ANKRD12: variants seen among roughly 807,000 people sequenced by gnomAD.
ANKRD12 encodes the protein ankyrin repeat domain 12.
In ANKRD12, 85 loss-of-function variants were observed where a neutral mutation model predicts 183.4. The ratio of observed to expected loss-of-function variants is 0.46; its 90% CI spans 0.39 to 0.56. The LOEUF (loss-of-function observed/expected upper bound fraction) is 0.56. Ranked by LOEUF, ANKRD12 falls within the 20% of genes least tolerant of loss-of-function variation. The pLI, the probability that ANKRD12 is intolerant of heterozygous loss-of-function variation, is 0.00. For synonymous variants in ANKRD12, 914 were observed against 800.2 expected, an observed-to-expected ratio of 1.14 and a Z score of -2.40; for missense variants, 2,405 against 2,357.1, an observed-to-expected ratio of 1.02 and a Z score of -0.42.
At chr18:9,191,477 A>G (rs1378945706) in intron 2 of ANKRD12, among the ~76,000 whole-genome samples, 1 of 151,968 alleles carries the variant, frequency 6.6e-6, no homozygotes, top group Non-Finnish European at 1.5e-5. Flanking sequence ...AATATCACAT[A>G]GGTTTTTTTT....
At chr18:9,175,874 G>T (rs888647727) in intron 1 of ANKRD12, among the ~76,000 whole-genome samples, 8 of 151,992 alleles carry the variant, frequency 5.3e-5, no homozygotes, top group Non-Finnish European at 1.0e-4. Flanking sequence ...AGGTGATTTT[G>T]TACTCTCTGC....
At chr18:9,206,741 A>T (rs534695359) in intron 4 of ANKRD12, among the ~76,000 whole-genome samples, 1 of 152,244 alleles carries the variant, frequency 6.6e-6, no homozygotes, top group East Asian at 1.9e-4. Context: ...TTTATTTGGC[A>T]GCATGGCATT....
At chr18:9,264,504 T>C (rs912365513) in intron 10 of ANKRD12, among the ~76,000 whole-genome samples, 1 of 152,024 alleles carries the variant, frequency 6.6e-6, no homozygotes, top group African/African-American at 2.4e-5. Context: ...ATAACTTCTT[T>C]GGTTCATACA....
At chr18:9,189,590 C>G (rs369322376) in intron 2 of ANKRD12, among the ~76,000 whole-genome samples, 4 of 152,334 alleles carry the variant, frequency 2.6e-5, no homozygotes, top group African/African-American at 9.6e-5. Flanking sequence ...GGGACAAATG[C>G]AGCTGACAAC....
chr18:9,151,057 G>T (rs1284070939), intron 1 of ANKRD12, among the ~76,000 whole-genome samples: 2 of 152,162 alleles, frequency 1.3e-5, no homozygotes, highest in Admixed American at 1.3e-4. Context: ...AAACATTGTG[G>T]TGAAAATTAA....
At chr18:9,252,126 T>C (rs1358198384) in intron 8 of ANKRD12, among the ~76,000 whole-genome samples, 1 of 152,238 alleles carries the variant, frequency 6.6e-6, no homozygotes, top group Non-Finnish European at 1.5e-5. Context: ...TTTCTCACCA[T>C]AGCAGTCATC....
chr18:9,160,878 G>A (rs1489057274), intron 1 of ANKRD12, among the ~76,000 whole-genome samples: 1 of 152,192 alleles, frequency 6.6e-6, no homozygotes, highest in East Asian at 1.9e-4. Context: ...TGAAATGAAA[G>A]AAATCATTTT....
At chr18:9,192,392 GCCC>G (rs2034506526) in intron 2 of ANKRD12, among the ~76,000 whole-genome samples, 1 of 152,120 alleles carries the variant, frequency 6.6e-6, no homozygotes, top group Admixed American at 6.5e-5. Context: ...CTCTAGATGA[GCCC>G]TGCTTGATTA....
chr18:9,239,652 A>C (rs2037545323), intron 8 of ANKRD12: 1 of 415,106 alleles, frequency 2.4e-6, no homozygotes, highest in Non-Finnish European at 4.2e-6. Flanking sequence ...TGTTAGATTT[A>C]ACTGTACCAA....
chr18:9,176,971 T>C (rs560707020), intron 1 of ANKRD12, among the ~76,000 whole-genome samples: 1 of 152,320 alleles, frequency 6.6e-6, no homozygotes, highest in African/African-American at 2.4e-5. Flanking sequence ...TGCTGTTCGA[T>C]ACATAGACTG....
In ANKRD12 at chr18:9,254,209, A is replaced by G. The variant is rs2145164426; in HGVS notation, c.944-2A>G. Reference sequence around the variant, plus strand: ...CACCACATTTTCTTTTTTTTATTCTAGATTCCGAAGAGGCTCAATCTGTAA... The same window carrying G: ...CACCACATTTTCTTTTTTTTATTCTGGATTCCGAAGAGGCTCAATCTGTAA... On this transcript the variant is annotated splice_acceptor_variant, in intron 8 of 12. Transcript: ENST00000262126. LOFTEE classifies it high-confidence loss of function. 6.6e-7 allele frequency: 1 copy of G among 1,504,010 alleles called. No homozygotes were observed. Among genetic ancestry groups the G allele is most frequent in the South Asian group, 1.4e-5 (1 of 73,422 alleles). 93.2% of individuals were successfully genotyped at this position (1,504,010 alleles called of 1,614,324 possible).
chr18:9,260,302 T>A (rs1223982012), intron 9 of ANKRD12: 2 of 152,274 alleles, frequency 1.3e-5, no homozygotes, highest in Middle Eastern at 3.4e-3. Flanking sequence ...CCCAATACTT[T>A]AGGAGGCCAA....
At chr18:9,192,676 C>T (rs574472190) in intron 2 of ANKRD12, among the ~76,000 whole-genome samples, 15 of 151,160 alleles carry the variant, frequency 9.9e-5, no homozygotes, top group East Asian at 5.8e-4. Context: ...TTTAAACATA[C>T]ATTTCACTAT....
chr18:9,177,605 A>G (rs1027430015), intron 1 of ANKRD12, among the ~76,000 whole-genome samples: 1 of 152,160 alleles, frequency 6.6e-6, no homozygotes, highest in Admixed American at 6.5e-5. Context: ...ATAGCTGTCT[A>G]CTAGCTATTT....
chr18:9,210,801 C>A (rs1037376333), intron 5 of ANKRD12, among the ~76,000 whole-genome samples: 1 of 149,222 alleles, frequency 6.7e-6, no homozygotes, highest in South Asian at 2.1e-4. Flanking sequence ...TGCCTTAGAG[C>A]TCTAATCGTG....
chr18:9,205,190 C>T (rs1247283676), intron 4 of ANKRD12, among the ~76,000 whole-genome samples: 6 of 152,110 alleles, frequency 3.9e-5, no homozygotes, highest in Non-Finnish European at 7.4e-5. Context: ...AGAGGATATA[C>T]AAGTACTGTG....
intron 1 of ANKRD12, among the ~76,000 whole-genome samples, chr18:9,182,167 T>A (rs1168882828): frequency 6.6e-6 from 1 of 152,182 alleles, no homozygotes. Context: ...ATGTTACTTG[T>A]CTCGAGAATA....
Position 9,281,525 on chromosome 18 carries a change from C to G in ANKRD12, c.*399C>G, listed in dbSNP as rs148165015. 3.5e-3 allele frequency: 532 copies of G among 153,370 alleles called. 4 individuals are homozygous for G. The highest frequency in any genetic ancestry group is 6.3e-3 in the Non-Finnish European group (431 of 68,534). The allele number at this position is 153,370 out of a possible 1,614,324, so 9.5% of individuals were successfully genotyped here. A position where few individuals can be genotyped will look rare whatever the true frequency, so the allele number is the denominator to read the frequency against. The stretch of plus-strand genomic sequence containing the variant: ...ATCAATAAACTAAAAGGTTCAATTC[C>G]TACCAAATAGTTTCTAATGTGGGAG... On this transcript the variant is annotated 3_prime_UTR_variant, in exon 13 of 13. Coordinates refer to ENST00000262126, the MANE Select transcript of ANKRD12 (RefSeq NM_015208.5).
Position 9,182,423 on chromosome 18 carries a change from C to T in ANKRD12, c.-10C>T, listed in dbSNP as rs2033765348. ...CTGATAAAAGAAGAAGCTAGCTGAA[C>T]AGCTGTAAAATGCCCAAATCTGGGT... On this transcript the variant is annotated 5_prime_UTR_variant, in exon 2 of 13. Coordinates refer to ENST00000262126, the MANE Select transcript of ANKRD12 (RefSeq NM_015208.5). The T allele has an allele frequency of 6.3e-7, 1 of 1,595,328 alleles. No homozygotes were observed. The highest frequency in any genetic ancestry group is 1.3e-5 in the African/African-American group (1 of 74,184).
Sources: gnomAD v4.1 joint callset for allele counts (sites outside exome capture counted in the v4.1 genomes callset) on GRCh38, gnomAD v4.1.1 for gene constraint, MANE v1.5 for transcripts, NCBI Gene and HGNC (gene_info 2026-07-23, HGNC 2026-07-21) for gene names.